Variants in CHM observed in about 807,000 individuals in gnomAD.
CHM encodes rab proteins geranylgeranyltransferase component A 1.
CHM carries 10 observed loss-of-function variants against 49.0 expected under a neutral mutation model. That is an observed-to-expected ratio of 0.20 (90% CI 0.13 to 0.35). The LOEUF is 0.35. Among genes scored for constraint, CHM ranks in the 10% least tolerant of loss-of-function variants. The probability of loss-of-function intolerance (pLI) is 1.00; values close to 1 mark genes in which losing one functional copy is unlikely to be tolerated. For synonymous variants in CHM, 184 were observed against 167.5 expected, an observed-to-expected ratio of 1.10 and a Z score of -0.76; for missense variants, 455 against 478.4, an observed-to-expected ratio of 0.95 and a Z score of 0.46.
chrX:86,025,810 TA>T (rs1165850782), intron 2 of CHM, among the ~76,000 whole-genome samples: 1 of 111,359 alleles, frequency 9.0e-6, no homozygotes, highest in African/African-American at 3.3e-5. Flanking sequence ...AAAAATTACT[TA>T]ATGTCTCTAT....
chrX:85,865,571 G>A (rs184271544), intron 14 of CHM, among the ~76,000 whole-genome samples: 105 of 112,045 alleles, frequency 9.4e-4, no homozygotes, highest in African/African-American at 3.3e-3. Context: ...AGTGACTATG[G>A]AATTGGGTAA....
At chrX:86,006,273 A>G (rs1291484223) in intron 2 of CHM, among the ~76,000 whole-genome samples, 1 of 111,628 alleles carries the variant, frequency 9.0e-6, no homozygotes, top group Non-Finnish European at 1.9e-5. Flanking sequence ...CAAAATAATA[A>G]GAGCTATTTA....
chrX:85,897,961 G>C (rs1287292341), intron 11 of CHM, among the ~76,000 whole-genome samples: 2 of 111,153 alleles, frequency 1.8e-5, no homozygotes, highest in African/African-American at 6.6e-5. Flanking sequence ...ACAGGGAAAA[G>C]GAAAAGGGCA....
chrX:85,930,145 C>T (rs1928340302), intron 8 of CHM, among the ~76,000 whole-genome samples: 1 of 111,584 alleles, frequency 9.0e-6, no homozygotes, highest in Non-Finnish European at 1.9e-5. Flanking sequence ...AAAGAAATTC[C>T]ATAACCATTA....
intron 1 of CHM, among the ~76,000 whole-genome samples, chrX:86,039,610 A>T (rs1014329028): frequency 2.7e-5 from 3 of 109,909 alleles, no homozygotes; most frequent in African/African-American, 1.0e-4. Flanking sequence ...TAGGCAGAAA[A>T]GGGCAGGTCC....
intron 8 of CHM, among the ~76,000 whole-genome samples, chrX:85,931,866 GAAC>G (rs1300458248): frequency 1.8e-5 from 2 of 112,336 alleles, no homozygotes; most frequent in Non-Finnish European, 3.8e-5. Flanking sequence ...ATTCTTAGCA[GAAC>G]AAGAGGGCAT....
intron 1 of CHM, among the ~76,000 whole-genome samples, chrX:86,043,651 C>T (rs1934557593): frequency 9.0e-6 from 1 of 110,923 alleles, no homozygotes. Context: ...GTTTCAAACT[C>T]CTGAGCTCAA....
At chrX:85,961,887 T>C (rs1930316346) in intron 5 of CHM, among the ~76,000 whole-genome samples, 1 of 111,315 alleles carries the variant, frequency 9.0e-6, no homozygotes, top group African/African-American at 3.3e-5. Flanking sequence ...TCTTCAAATG[T>C]GTCAACTTCT....
At chrX:86,006,860 A>G (rs193165468) in intron 2 of CHM, among the ~76,000 whole-genome samples, 219 of 112,060 alleles carry the variant, frequency 2.0e-3, no homozygotes, top group Middle Eastern at 4.6e-3. Context: ...ATTCAATGCC[A>G]TCCCCATCAA....
chrX:85,925,436 A>C (rs1928026288), intron 8 of CHM, among the ~76,000 whole-genome samples: 1 of 111,569 alleles, frequency 9.0e-6, no homozygotes, highest in African/African-American at 3.3e-5. Context: ...CACCCATGCT[A>C]TTTGCCCCAT....
chrX:85,897,185 A>G (rs1373427864), intron 11 of CHM, among the ~76,000 whole-genome samples: 1 of 98,231 alleles, frequency 1.0e-5, no homozygotes, highest in African/African-American at 3.7e-5. Flanking sequence ...TTATATATAT[A>G]CTATATATTA....
chrX:85,908,938 A>T, intron 9 of CHM, among the ~76,000 whole-genome samples: 1 of 112,147 alleles, frequency 8.9e-6, no homozygotes, highest in South Asian at 3.7e-4. Flanking sequence ...ATTTCTAAAT[A>T]AGGAAAAGCC....
intron 2 of CHM, among the ~76,000 whole-genome samples, chrX:85,988,918 T>C (rs1226205885): frequency 1.8e-5 from 2 of 111,489 alleles, no homozygotes; most frequent in Admixed American, 9.5e-5. Flanking sequence ...AAAATGGCCA[T>C]ACTGCCCAAA....
chrX:86,028,535 C>T (rs780099381), intron 1 of CHM, among the ~76,000 whole-genome samples: 2 of 111,459 alleles, frequency 1.8e-5, no homozygotes, highest in South Asian at 3.8e-4. Context: ...CTTAATCATA[C>T]CATAAAGCTG....
intron 4 of CHM, among the ~76,000 whole-genome samples, chrX:85,978,245 T>C (rs1400686256): frequency 3.6e-5 from 4 of 112,090 alleles, no homozygotes; most frequent in Non-Finnish European, 5.6e-5. Flanking sequence ...CCAAATATTA[T>C]GCCCACAAAA....
In CHM at chrX:85,862,434, T is replaced by C. The variant is rs889313841; in HGVS notation, c.*2196A>G. 8.9e-6 allele frequency: 1 copy of C among 112,541 alleles called. No individual in the cohort carries two copies. Among genetic ancestry groups the C allele is most frequent in the African/African-American group, 3.2e-5 (1 of 30,887 alleles). The allele number at this position is 112,541 out of a possible 1,213,427, so 9.3% of individuals were successfully genotyped here. On this transcript the variant is annotated 3_prime_UTR_variant, in exon 15 of 15. Coordinates refer to ENST00000357749, the MANE Select transcript of CHM (RefSeq NM_000390.4). ...AACCTTTTATAATATATTGCTGATA[T>C]CCAGGGGCAAGGCCAATATCCGGTA...
intron 9 of CHM, among the ~76,000 whole-genome samples, chrX:85,909,210 TTAG>T (rs1926782449): frequency 8.9e-6 from 1 of 111,900 alleles, no homozygotes; most frequent in Non-Finnish European, 1.9e-5. Context: ...GAAGATATTC[TTAG>T]AAGCAGTCTG....
chrX:85,873,973 A>G (rs1443853505), intron 13 of CHM, among the ~76,000 whole-genome samples: 1 of 111,441 alleles, frequency 9.0e-6, no homozygotes, highest in Non-Finnish European at 1.9e-5. Flanking sequence ...ATTTAAGAGC[A>G]TGTGTCTTTT....
intron 11 of CHM, among the ~76,000 whole-genome samples, chrX:85,897,739 A>C (rs1255454845): frequency 9.0e-6 from 1 of 110,984 alleles, no homozygotes; most frequent in Non-Finnish European, 1.9e-5. Context: ...CTGAAGGTCC[A>C]GCTGAATAAC....
Sources: allele counts gnomAD v4.1 joint callset (sites outside exome capture counted in the v4.1 genomes callset), GRCh38; gene constraint gnomAD v4.1.1; transcripts MANE v1.5; gene names NCBI Gene and HGNC (gene_info 2026-07-23, HGNC 2026-07-21).